Variants in MARCHF11 observed in about 807,000 individuals in gnomAD.
MARCHF11 encodes E3 ubiquitin-protein ligase MARCHF11.
MARCHF11 carries 29 observed loss-of-function variants against 37.3 expected under a neutral mutation model. The ratio of observed to expected loss-of-function variants is 0.78; its 90% CI spans 0.58 to 1.06. The LOEUF is 1.06. MARCHF11 is among the 50% of genes least tolerant of loss of function. The pLI, the probability that MARCHF11 is intolerant of heterozygous loss-of-function variation, is 0.00. For missense variants in MARCHF11, 482 were observed against 533.4 expected, an observed-to-expected ratio of 0.90 and a Z score of 0.95; for synonymous variants, 233 against 228.0, an observed-to-expected ratio of 1.02 and a Z score of -0.20.
intron 2 of MARCHF11, among the ~76,000 whole-genome samples, chr5:16,138,506 C>A (rs1737648221): frequency 6.6e-6 from 1 of 152,204 alleles, no homozygotes; most frequent in African/African-American, 2.4e-5. Flanking sequence ...TAGGGCAATG[C>A]AGAAGGGAAA....
chr5:16,091,133 G>GAAA (rs11389357), intron 2 of MARCHF11, 52 bp from the exon 3 acceptor site: 560 of 1,113,720 alleles, frequency 5.0e-4, no homozygotes, highest in African/African-American at 2.4e-3. Flanking sequence ...AATTAAAAAA[G>GAAA]AAAAAAAAAC....
At chr5:16,154,062 G>A (rs900876143) in intron 2 of MARCHF11, among the ~76,000 whole-genome samples, 7 of 151,834 alleles carry the variant, frequency 4.6e-5, no homozygotes, top group Non-Finnish European at 7.4e-5. Context: ...CTTCACAGCC[G>A]TGGCGCACCT....
intron 2 of MARCHF11, among the ~76,000 whole-genome samples, chr5:16,170,739 T>C (rs1377973648): frequency 2.6e-5 from 4 of 152,156 alleles, no homozygotes; most frequent in Non-Finnish European, 5.9e-5. Context: ...TATAATGTGC[T>C]CTAAAACCTG....
chr5:16,169,295 T>C (rs2126609065), intron 2 of MARCHF11, among the ~76,000 whole-genome samples: 1 of 151,316 alleles, frequency 6.6e-6, no homozygotes, highest in East Asian at 2.0e-4. Context: ...CATGCCCAAA[T>C]TAAGCACTTG....
intron 2 of MARCHF11, among the ~76,000 whole-genome samples, chr5:16,150,021 G>T (rs561295593): frequency 1.4e-5 from 2 of 144,662 alleles, no homozygotes; most frequent in South Asian, 4.2e-4. Flanking sequence ...CCTTTGTGGG[G>T]CTGTCTACTC....
chr5:16,071,559 G>T (rs1371608460), intron 3 of MARCHF11, among the ~76,000 whole-genome samples: 1 of 152,120 alleles, frequency 6.6e-6, no homozygotes, highest in Non-Finnish European at 1.5e-5. Flanking sequence ...ATTCTTTCTA[G>T]TATTAGGCTA....
chr5:16,073,958 C>T (rs542566500), intron 3 of MARCHF11, among the ~76,000 whole-genome samples: 7 of 152,168 alleles, frequency 4.6e-5, no homozygotes, highest in Non-Finnish European at 1.0e-4. Flanking sequence ...TTCCGTTCAT[C>T]AGCACATGAA....
At chr5:16,116,015 G>C (rs1325921402) in intron 2 of MARCHF11, among the ~76,000 whole-genome samples, 2 of 152,156 alleles carry the variant, frequency 1.3e-5, no homozygotes, top group African/African-American at 4.8e-5. Context: ...GTGAGGTAGA[G>C]AATCATTAGC....
Position 16,085,642 on chromosome 5 carries a change from T to C in MARCHF11, c.886+5247A>G, listed in dbSNP as rs1736682954. On this transcript the variant is annotated intron_variant, in intron 3 of 3. Coordinates refer to ENST00000332432, the MANE Select transcript of MARCHF11 (RefSeq NM_001102562.3). Reference sequence around the variant, plus strand: ...TTTTTAGTTGGCAATGTAAAAGGACTTATCAAAATTTACATAAGCTTATTA... The same window carrying C: ...TTTTTAGTTGGCAATGTAAAAGGACCTATCAAAATTTACATAAGCTTATTA... 5.9e-5 allele frequency among the ~76,000 whole-genome samples: 9 copies of C among 152,002 alleles called. No homozygotes were observed. The South Asian group carries it at 1.7e-3, about 28-fold the overall frequency.
intron 2 of MARCHF11, among the ~76,000 whole-genome samples, chr5:16,095,350 T>C (rs1319920918): frequency 6.6e-6 from 1 of 151,980 alleles, no homozygotes; most frequent in Middle Eastern, 3.2e-3. Flanking sequence ...CCCTCTAAGC[T>C]TCAGCGAGGA....
chr5:16,133,889 C>T (rs546146367), intron 2 of MARCHF11, among the ~76,000 whole-genome samples: 7 of 152,058 alleles, frequency 4.6e-5, no homozygotes, highest in Admixed American at 1.3e-4. Context: ...GCTTGTGGCC[C>T]GCGGGCCATA....
At chr5:16,109,036 C>A (rs575264095) in intron 2 of MARCHF11, among the ~76,000 whole-genome samples, 65 of 151,276 alleles carry the variant, frequency 4.3e-4, no homozygotes, top group African/African-American at 1.5e-3. Flanking sequence ...TCCTTATCTG[C>A]AAAATAGGGA....
chr5:16,116,910 T>C (rs1360062306), intron 2 of MARCHF11, among the ~76,000 whole-genome samples: 1 of 152,130 alleles, frequency 6.6e-6, no homozygotes, highest in African/African-American at 2.4e-5. Flanking sequence ...GTACAGGGAA[T>C]AAAAACTCAA....
At chr5:16,126,511 A>T (rs750415897) in intron 2 of MARCHF11, among the ~76,000 whole-genome samples, 1 of 152,202 alleles carries the variant, frequency 6.6e-6, no homozygotes, top group Non-Finnish European at 1.5e-5. Flanking sequence ...CCGATTTAAT[A>T]CTTCTCATTG....
chr5:16,123,741 G>GATC (rs57243386), intron 2 of MARCHF11, among the ~76,000 whole-genome samples: 33,487 of 151,918 alleles, frequency 0.22, 4,054 homozygotes, highest in African/African-American at 0.31. Flanking sequence ...CAGCATCTCC[G>GATC]ATCATCATAA....
intron 2 of MARCHF11, among the ~76,000 whole-genome samples, chr5:16,157,960 T>C (rs1738004755): frequency 6.6e-6 from 1 of 151,842 alleles, no homozygotes; most frequent in African/African-American, 2.4e-5. Context: ...ATCCAAAACA[T>C]ATAAGGCATT....
chr5:16,088,093 C>T (rs1736729309), intron 3 of MARCHF11, among the ~76,000 whole-genome samples: 1 of 152,180 alleles, frequency 6.6e-6, no homozygotes, highest in African/African-American at 2.4e-5. Flanking sequence ...CTCACATCTT[C>T]CCATGGCAAG....
At position 16,101,705 on chromosome 5, in the gene MARCHF11, C is replaced by T. The variant is rs557862827; in HGVS notation, c.694-10624G>A. Among the ~76,000 whole-genome samples the T allele has an allele frequency of 4.6e-5, 7 of 152,316 alleles. No homozygotes were observed. The East Asian group carries it at 1.3e-3, about 29-fold the overall frequency. Reference sequence around the variant, plus strand: ...AACTAGATTTACTTGTTCTCTCCACCAGGAGTTGAAAGCTACCTTTGCTAA... The same window carrying T: ...AACTAGATTTACTTGTTCTCTCCACTAGGAGTTGAAAGCTACCTTTGCTAA... On this transcript the variant is annotated intron_variant, in intron 2 of 3. Transcript: ENST00000332432.
At chr5:16,169,316 C>T (rs569756372) in intron 2 of MARCHF11, among the ~76,000 whole-genome samples, 1 of 138,568 alleles carries the variant, frequency 7.2e-6, no homozygotes, top group East Asian at 2.1e-4. Flanking sequence ...GCCACCTGCA[C>T]CAAATCAGTA....
Sources: allele counts gnomAD v4.1 joint callset (sites outside exome capture counted in the v4.1 genomes callset), GRCh38; gene constraint gnomAD v4.1.1; transcripts MANE v1.5; gene names NCBI Gene and HGNC (gene_info 2026-07-23, HGNC 2026-07-21).